The following SORCS3 variants were observed in gnomAD, a reference collection of about 807,000 sequenced individuals.
SORCS3 encodes the protein VPS10 domain-containing receptor SorCS3.
In SORCS3, 57 loss-of-function variants were observed where a neutral mutation model predicts 146.3. The ratio of observed to expected loss-of-function variants is 0.39; its 90% CI spans 0.31 to 0.49. The LOEUF (loss-of-function observed/expected upper bound fraction) is 0.49, where lower values mean the gene tolerates loss of function less well. Ranked by LOEUF, SORCS3 falls within the 20% of genes least tolerant of loss-of-function variation. SORCS3 has a pLI of 0.92. For missense variants in SORCS3, 1,341 were observed against 1,575.5 expected (o/e 0.85, Z 2.52); for synonymous variants, 653 against 618.5 (o/e 1.06, Z -0.83).
chr10:104,843,364 C>T (rs1251665540), intron 2 of SORCS3, among the ~76,000 whole-genome samples: 1 of 152,182 alleles, frequency 6.6e-6, no homozygotes, highest in African/African-American at 2.4e-5. Context: ...GGCAATTTTG[C>T]CTTCAGGGGC....
chr10:105,166,594 T>G (rs1057155780), intron 12 of SORCS3, among the ~76,000 whole-genome samples: 1 of 152,002 alleles, frequency 6.6e-6, no homozygotes, highest in Non-Finnish European at 1.5e-5. Context: ...GAATACTGAA[T>G]AAGGGAATGA....
At chr10:105,162,746 A>G (rs1475108290) in intron 11 of SORCS3, among the ~76,000 whole-genome samples, 1 of 152,190 alleles carries the variant, frequency 6.6e-6, no homozygotes, top group East Asian at 1.9e-4. Flanking sequence ...TGACAGAACC[A>G]GCTTCTAAGG....
chr10:105,200,023 C>T lies in SORCS3; in HGVS notation c.2034C>T (p.Arg678=), dbSNP rs1019027469. 2.5e-6 allele frequency: 4 copies of T among 1,613,526 alleles called. No homozygotes were observed. Among genetic ancestry groups the T allele is most frequent in the African/African-American group, 2.7e-5 (2 of 74,888 alleles). The stretch of plus-strand genomic sequence containing the variant: ...GAGTTTTTGGCCACTTCAGCCTCCG[C>T]TCCGAATGGCAATTGGTGAAAGTGG... The part of the protein sequence containing the change: ...IMTVFGHFSL[R]SEWQLVKVDY... Residue 678 remains arginine, a synonymous_variant, in exon 15 of 27, where the codon CGC becomes CGT. Transcript: ENST00000369701.
At chr10:105,012,108 C>T (rs140901016) in intron 4 of SORCS3, among the ~76,000 whole-genome samples, 54 of 152,252 alleles carry the variant, frequency 3.5e-4, no homozygotes, top group African/African-American at 1.2e-3. Flanking sequence ...GTCTCCAGCA[C>T]AGCATTGACA....
In SORCS3 at chr10:104,990,473, G is replaced by A. The variant is rs564715106; in HGVS notation, c.954+12980G>A. ...GTGCCAAATATTATGTGATCTTGGT[G>A]GTGGTAGCGGAAGATTTGTGAGGTC... On this transcript the variant is annotated intron_variant, in intron 4 of 26. Transcript: ENST00000369701. Among the ~76,000 whole-genome samples the A allele has an allele frequency of 4.6e-5, 7 of 152,260 alleles. No homozygotes were observed. The East Asian group carries it at 1.4e-3, about 29-fold the overall frequency.
intron 13 of SORCS3, among the ~76,000 whole-genome samples, chr10:105,173,155 A>C (rs2056373288): frequency 6.6e-6 from 1 of 152,006 alleles, no homozygotes; most frequent in South Asian, 2.1e-4. Flanking sequence ...ACAGATGTTA[A>C]ACAAAAATTA....
chr10:104,889,938 T>A (rs1212893218), intron 2 of SORCS3, among the ~76,000 whole-genome samples: 3 of 152,170 alleles, frequency 2.0e-5, no homozygotes, highest in Admixed American at 6.5e-5. Flanking sequence ...TTTATTTTGC[T>A]TTTGTTTATC....
chr10:105,029,612 C>A (rs1389600251), intron 4 of SORCS3, among the ~76,000 whole-genome samples: 1 of 152,274 alleles, frequency 6.6e-6, no homozygotes, highest in Admixed American at 6.5e-5. Flanking sequence ...TTGTCAAAGC[C>A]GTGGCTTCTC....
intron 16 of SORCS3, among the ~76,000 whole-genome samples, chr10:105,205,064 A>C (rs920423709): frequency 6.6e-6 from 1 of 152,180 alleles, no homozygotes; most frequent in Non-Finnish European, 1.5e-5. Flanking sequence ...TATCATGCAC[A>C]GTCCATTTAG....
chr10:104,900,885 CT>C (rs1347725095), intron 2 of SORCS3, among the ~76,000 whole-genome samples: 1 of 115,206 alleles, frequency 8.7e-6, no homozygotes, highest in Non-Finnish European at 1.6e-5. Context: ...CAGAGCAAGA[CT>C]CTATCTTGGG....
At chr10:105,107,414 G>A (rs1022264723) in intron 7 of SORCS3, among the ~76,000 whole-genome samples, 3 of 150,824 alleles carry the variant, frequency 2.0e-5, no homozygotes, top group Non-Finnish European at 4.4e-5. Flanking sequence ...ATTGTTTCTC[G>A]GAAACATGAC....
chr10:104,990,661 G>A (rs866169163), intron 4 of SORCS3, among the ~76,000 whole-genome samples: 1 of 152,144 alleles, frequency 6.6e-6, no homozygotes, highest in Non-Finnish European at 1.5e-5. Context: ...AGGTGATTAA[G>A]TTTTATCCCA....
chr10:105,213,980 A>G (rs2056649995), intron 17 of SORCS3, among the ~76,000 whole-genome samples: 2 of 152,210 alleles, frequency 1.3e-5, no homozygotes, highest in Non-Finnish European at 2.9e-5. Context: ...CTCCTGATTA[A>G]TCAGAGTTAG....
chr10:104,827,784 A>G (rs1393944161), intron 1 of SORCS3, among the ~76,000 whole-genome samples: 1 of 152,226 alleles, frequency 6.6e-6, no homozygotes, highest in East Asian at 1.9e-4. Context: ...TATATAGTGT[A>G]GCCACCTTCA....
intron 2 of SORCS3, among the ~76,000 whole-genome samples, chr10:104,898,691 C>A (rs1054736315): frequency 6.6e-6 from 1 of 152,220 alleles, no homozygotes; most frequent in African/African-American, 2.4e-5. Context: ...GGCAAAAACA[C>A]TTCCCACATT....
chr10:104,693,433 CTATT>C (rs1180472749), intron 1 of SORCS3, among the ~76,000 whole-genome samples: 2 of 152,192 alleles, frequency 1.3e-5, no homozygotes, highest in Non-Finnish European at 2.9e-5. Context: ...AAAAGCAAAA[CTATT>C]TATAAGCCAA....
At chr10:105,064,946 C>T (rs1356834828) in intron 5 of SORCS3, among the ~76,000 whole-genome samples, 1 of 152,156 alleles carries the variant, frequency 6.6e-6, no homozygotes, top group Non-Finnish European at 1.5e-5. Flanking sequence ...ATCAAGTTGA[C>T]ATGTAAAATT....
intron 7 of SORCS3, among the ~76,000 whole-genome samples, chr10:105,118,165 A>G (rs1404620592): frequency 1.3e-5 from 2 of 152,018 alleles, no homozygotes; most frequent in Non-Finnish European, 2.9e-5. Flanking sequence ...ACCCAGTGGG[A>G]GGTAATTGAA....
rs375520252 is a variant in SORCS3 at position 104,963,589 on chromosome 10, C to T, written c.796-13746C>T. On this transcript the variant is annotated intron_variant, in intron 3 of 26. Coordinates refer to ENST00000369701, the MANE Select transcript of SORCS3 (RefSeq NM_014978.3). ...TATCTGTATTTGCTGTCATGGTTAT[C>T]TCCAGATTCATGTCTTTAAGTGTTA... 1.1e-4 allele frequency among the ~76,000 whole-genome samples: 17 copies of T among 152,194 alleles called. No individual in the cohort carries two copies. The East Asian group carries it at 2.3e-3, about 21-fold the overall frequency.
Sources: gnomAD v4.1 joint callset for allele counts (sites outside exome capture counted in the v4.1 genomes callset) on GRCh38, gnomAD v4.1.1 for gene constraint, MANE v1.5 for transcripts, NCBI Gene and HGNC (gene_info 2026-07-23, HGNC 2026-07-21) for gene names.